The following BANF2 variants were observed in gnomAD, a reference collection of about 807,000 sequenced individuals.
The protein encoded by BANF2 is barrier-to-autointegration factor-like protein.
A neutral mutation model predicts 8.0 loss-of-function variants in BANF2; 4 were observed. The observed-to-expected ratio is 0.50, with a 90% CI of 0.25 to 1.14. BANF2 has a LOEUF of 1.14. Among genes scored for constraint, BANF2 ranks in the 50% most tolerant of loss-of-function variants. The pLI is 0.16. For synonymous variants in BANF2, 50 were observed against 40.6 expected, an observed-to-expected ratio of 1.23 and a Z score of -0.88; for missense variants, 96 against 107.5, an observed-to-expected ratio of 0.89 and a Z score of 0.47.
chr20:17,704,006 G>T (rs549330853), intron 1 of BANF2, among the ~76,000 whole-genome samples: 12 of 152,196 alleles, frequency 7.9e-5, no homozygotes, highest in Non-Finnish European at 1.8e-4. Flanking sequence ...GCCTCACAAA[G>T]TGCTGGGATT....
chr20:17,732,095 A>T (rs1163425628), intron 3 of BANF2, among the ~76,000 whole-genome samples: 2 of 152,130 alleles, frequency 1.3e-5, no homozygotes, highest in Admixed American at 6.5e-5. Context: ...GAAAACTAAT[A>T]AAAAAATAAA....
At chr20:17,713,947 T>G (rs2037612800) in intron 1 of BANF2, among the ~76,000 whole-genome samples, 1 of 151,982 alleles carries the variant, frequency 6.6e-6, no homozygotes, top group Non-Finnish European at 1.5e-5. Flanking sequence ...GGCTCATGCC[T>G]GTAATCCCAA....
chr20:17,723,168 C>T (rs958629031), intron 2 of BANF2, among the ~76,000 whole-genome samples: 3 of 112,606 alleles, frequency 2.7e-5, no homozygotes, highest in Non-Finnish European at 6.3e-5. Flanking sequence ...CCCAGCCCCA[C>T]CCCTGCAGCC....
chr20:17,721,740 G>A (rs1170734271), intron 1 of BANF2, among the ~76,000 whole-genome samples: 2 of 152,172 alleles, frequency 1.3e-5, no homozygotes, highest in Non-Finnish European at 2.9e-5. Context: ...ATTCTGGACC[G>A]CTGTTCACAC....
chr20:17,717,545 A>C (rs534658741), intron 1 of BANF2, among the ~76,000 whole-genome samples: 1 of 152,324 alleles, frequency 6.6e-6, no homozygotes, highest in South Asian at 2.1e-4. Flanking sequence ...CATCTAGGCT[A>C]GTTTCCCTAT....
chr20:17,707,586 A>G (rs1251953516), intron 1 of BANF2, among the ~76,000 whole-genome samples: 1 of 151,846 alleles, frequency 6.6e-6, no homozygotes, highest in African/African-American at 2.4e-5. Context: ...ATATATATAT[A>G]CTTTTTTTTT....
intron 3 of BANF2, among the ~76,000 whole-genome samples, chr20:17,727,648 A>G (rs1360704739): frequency 6.6e-6 from 1 of 152,002 alleles, no homozygotes; most frequent in East Asian, 1.9e-4. Context: ...AGGGCCAGCA[A>G]TGACAGCATC....
intron 1 of BANF2, among the ~76,000 whole-genome samples, chr20:17,713,542 T>C (rs983653410): frequency 1.3e-5 from 2 of 152,090 alleles, no homozygotes; most frequent in Admixed American, 6.5e-5. Context: ...TGCAGATGAC[T>C]AAGATAGTCC....
chr20:17,722,165 A>G (rs564494108), intron 1 of BANF2, among the ~76,000 whole-genome samples: 203 of 152,350 alleles, frequency 1.3e-3, no homozygotes, highest in African/African-American at 4.8e-3. Flanking sequence ...GAGCCCCAGG[A>G]GGGCAAAAGT....
At chr20:17,704,496 A>G (rs1292553752) in intron 1 of BANF2, among the ~76,000 whole-genome samples, 1 of 152,116 alleles carries the variant, frequency 6.6e-6, no homozygotes, top group East Asian at 1.9e-4. Context: ...AGTGGACAGC[A>G]CTTCTTTGGG....
At chr20:17,728,421 G>A (rs2037842428) in intron 3 of BANF2, among the ~76,000 whole-genome samples, 1 of 152,072 alleles carries the variant, frequency 6.6e-6, no homozygotes, top group Non-Finnish European at 1.5e-5. Flanking sequence ...TGAGACACCA[G>A]CGCCCCCGCT....
At position 17,694,201 on chromosome 20, in the gene BANF2, G is replaced by A. The variant is rs147120108; in HGVS notation, c.18+495G>A. 1.1e-3 allele frequency among the ~76,000 whole-genome samples: 168 copies of A among 152,342 alleles called. 3 individuals are homozygous for A. Among genetic ancestry groups the A allele is most frequent in the Admixed American group, 8.6e-3 (131 of 15,306 alleles). On this transcript the variant is annotated intron_variant, in intron 1 of 2. Coordinates refer to the BANF2 transcript ENST00000545418. ...CCTCTCCACAAGGTGGTATGGGATGGGAGGTGGACAGTCAGCACAAAACCA... is the reference window on the plus strand; with the variant it reads ...CCTCTCCACAAGGTGGTATGGGATGAGAGGTGGACAGTCAGCACAAAACCA...
intron 1 of BANF2, among the ~76,000 whole-genome samples, chr20:17,701,591 C>A (rs560595222): frequency 3.2e-4 from 48 of 152,304 alleles, no homozygotes; most frequent in African/African-American, 1.1e-3. Context: ...GGGAGCTGGA[C>A]CAAAAGACCT....
rs141521737 is a variant in BANF2 at position 17,714,811 on chromosome 20, G to T, written c.-166-7905G>T. On this transcript the variant is annotated intron_variant, in intron 1 of 3. Coordinates refer to ENST00000246090, the MANE Select transcript of BANF2 (RefSeq NM_178477.5). ...AGTGTATAAATATTCACACTAACTGGGATAATAAAGACTATAAATAGCCTC... is the reference window on the plus strand; with the variant it reads ...AGTGTATAAATATTCACACTAACTGTGATAATAAAGACTATAAATAGCCTC... Among the ~76,000 whole-genome samples the T allele has an allele frequency of 3.9e-3, 598 of 152,176 alleles. 2 individuals are homozygous for T. Among genetic ancestry groups the T allele is most frequent in the African/African-American group, 0.012 (494 of 41,504 alleles).
At chr20:17,702,922 G>A (rs2122569378) in intron 1 of BANF2, among the ~76,000 whole-genome samples, 1 of 152,268 alleles carries the variant, frequency 6.6e-6, no homozygotes, top group East Asian at 1.9e-4. Flanking sequence ...TTGTTTAAAT[G>A]GAAGCTTAGA....
chr20:17,698,949 C>G (rs771103922), upstream of BANF2, among the ~76,000 whole-genome samples: 12 of 152,158 alleles, frequency 7.9e-5, no homozygotes, highest in African/African-American at 1.4e-4. Context: ...ATACCAGCAC[C>G]CTTACATGTT....
At chr20:17,730,358 G>A (rs78979849) in intron 3 of BANF2, among the ~76,000 whole-genome samples, 344 of 152,256 alleles carry the variant, frequency 2.3e-3, no homozygotes, top group African/African-American at 7.7e-3. Context: ...TCATTGTGCC[G>A]TCTGCCCCTA....
At position 17,710,002 on chromosome 20, in the gene BANF2, G is replaced by A. The variant is rs532798023; in HGVS notation, c.-167+9947G>A. 2.5e-3 allele frequency among the ~76,000 whole-genome samples: 376 copies of A among 152,354 alleles called. 1 individual carries two copies. The highest frequency in any genetic ancestry group is 5.7e-3 in the African/African-American group (239 of 41,582). On this transcript the variant is annotated intron_variant, in intron 1 of 3. Coordinates refer to ENST00000246090, the MANE Select transcript of BANF2 (RefSeq NM_178477.5). ...GAGGATGTGAGACCGGGAAGGGAAG[G>A]TGGCCTTGAGCAGTTACTGCCATGA...
intron 3 of BANF2, among the ~76,000 whole-genome samples, chr20:17,729,017 T>C (rs1393992892): frequency 1.3e-5 from 2 of 152,228 alleles, no homozygotes; most frequent in Admixed American, 6.5e-5. Flanking sequence ...TTTCACCTGT[T>C]TCCTTCCCCT....
Sources: gnomAD v4.1 joint callset for allele counts (sites outside exome capture counted in the v4.1 genomes callset) on GRCh38, gnomAD v4.1.1 for gene constraint, MANE v1.5 for transcripts, NCBI Gene and HGNC (gene_info 2026-07-23, HGNC 2026-07-21) for gene names.